The following IQCM variants were observed in gnomAD, a reference collection of about 807,000 sequenced individuals.
IQCM encodes the protein IQ domain-containing protein M.
IQCM carries 45 observed loss-of-function variants against 57.6 expected under a neutral mutation model. The ratio of observed to expected loss-of-function variants is 0.78; its 90% CI spans 0.62 to 1.00. The LOEUF (loss-of-function observed/expected upper bound fraction) is 1.00, where lower values mean the gene tolerates loss of function less well. Among genes scored for constraint, IQCM ranks in the 50% least tolerant of loss-of-function variants. IQCM has a pLI of 0.00. For missense variants in IQCM, 468 were observed against 511.6 expected (o/e 0.91, Z 0.82); for synonymous variants, 148 against 158.9 (o/e 0.93, Z 0.51).
At chr4:149,608,145 T>C (rs1754963836) in intron 8 of IQCM, among the ~76,000 whole-genome samples, 1 of 151,510 alleles carries the variant, frequency 6.6e-6, no homozygotes, top group Non-Finnish European at 1.5e-5. Context: ...ATAAAAGAGA[T>C]TTCAAGACAA....
intron 3 of IQCM, among the ~76,000 whole-genome samples, chr4:149,741,698 G>A (rs1767473286): frequency 6.6e-6 from 1 of 152,130 alleles, no homozygotes; most frequent in Non-Finnish European, 1.5e-5. Flanking sequence ...GGCACTATAT[G>A]TTAGGATTGC....
intron 7 of IQCM, among the ~76,000 whole-genome samples, chr4:149,628,741 C>T (rs1408385354): frequency 1.3e-5 from 2 of 151,928 alleles, no homozygotes; most frequent in Non-Finnish European, 2.9e-5. Context: ...CAAGTATATT[C>T]GGCAAAATTA....
At chr4:149,513,671 A>C (rs192812742) in intron 12 of IQCM, among the ~76,000 whole-genome samples, 2 of 152,290 alleles carry the variant, frequency 1.3e-5, no homozygotes, top group East Asian at 3.9e-4. Context: ...TTAATCAAAT[A>C]TTTAATGAAT....
intron 5 of IQCM, among the ~76,000 whole-genome samples, chr4:149,700,988 C>T (rs1763724686): frequency 2.0e-5 from 3 of 151,958 alleles, no homozygotes; most frequent in African/African-American, 7.2e-5. Context: ...ATCTTTCTTT[C>T]CCATCGTATT....
intron 12 of IQCM, among the ~76,000 whole-genome samples, chr4:149,537,342 G>T (rs1292706687): frequency 4.0e-5 from 6 of 151,752 alleles, no homozygotes; most frequent in Admixed American, 1.3e-4. Flanking sequence ...ATTACAAAAT[G>T]ATCTCAGCCA....
chr4:149,507,676 C>A (rs1000614924), intron 12 of IQCM, among the ~76,000 whole-genome samples: 3 of 151,842 alleles, frequency 2.0e-5, no homozygotes, highest in African/African-American at 7.3e-5. Context: ...AAAGGGGAAG[C>A]AGAGCATAAA....
intron 13 of IQCM, among the ~76,000 whole-genome samples, chr4:149,412,058 GTGTGTGTT>G (rs1200692473): frequency 8.1e-6 from 1 of 122,980 alleles, no homozygotes; most frequent in African/African-American, 3.0e-5. Flanking sequence ...AACATTTAGT[GTGTGTGTT>G]TGTGTGTGTG....
At chr4:149,784,898 T>C (rs1355172296) in intron 2 of IQCM, among the ~76,000 whole-genome samples, 5 of 152,172 alleles carry the variant, frequency 3.3e-5, no homozygotes, top group Non-Finnish European at 7.4e-5. Flanking sequence ...TAAACTTATA[T>C]ATGGAAATCA....
intron 2 of IQCM, among the ~76,000 whole-genome samples, chr4:149,810,964 C>A (rs185490242): frequency 6.6e-6 from 1 of 152,060 alleles, no homozygotes; most frequent in Non-Finnish European, 1.5e-5. Flanking sequence ...GTGCCTGAAC[C>A]CTGCTATAGC....
intron 12 of IQCM, among the ~76,000 whole-genome samples, chr4:149,493,770 TAAG>T (rs1025219395): frequency 1.3e-5 from 2 of 151,722 alleles, no homozygotes; most frequent in African/African-American, 2.4e-5. Flanking sequence ...AAAAATAAAT[TAAG>T]TTAATTCAAG....
intron 13 of IQCM, among the ~76,000 whole-genome samples, chr4:149,422,190 T>A (rs1476423911): frequency 6.6e-6 from 1 of 152,036 alleles, no homozygotes; most frequent in Admixed American, 6.6e-5. Context: ...ATGAAAGATT[T>A]CAGAATGAAG....
At chr4:149,728,108 C>A (rs556256876) in intron 5 of IQCM, among the ~76,000 whole-genome samples, 2 of 152,310 alleles carry the variant, frequency 1.3e-5, no homozygotes, top group South Asian at 2.1e-4. Flanking sequence ...ACAGTCTCAG[C>A]TCACTCCTCT....
intron 8 of IQCM, among the ~76,000 whole-genome samples, chr4:149,606,285 A>G (rs187156608): frequency 7.2e-5 from 11 of 152,254 alleles, no homozygotes; most frequent in African/African-American, 2.6e-4. Context: ...AAATACAGTG[A>G]GAGACTTTGC....
chr4:149,359,238 G>A (rs1729302644), intron 13 of IQCM, among the ~76,000 whole-genome samples: 1 of 151,978 alleles, frequency 6.6e-6, no homozygotes, highest in African/African-American at 2.4e-5. Context: ...TGTCATAAAA[G>A]CATATTTTAT....
chr4:149,656,076 T>G (rs1057163634), intron 7 of IQCM, among the ~76,000 whole-genome samples: 13 of 152,252 alleles, frequency 8.5e-5, no homozygotes, highest in Admixed American at 5.9e-4. Context: ...TTTCTGATTT[T>G]AATTCCCTCA....
At chr4:149,597,616 C>T (rs1261787573) in intron 8 of IQCM, among the ~76,000 whole-genome samples, 3 of 152,226 alleles carry the variant, frequency 2.0e-5, no homozygotes, top group South Asian at 2.1e-4. Flanking sequence ...GTCTCTAACT[C>T]GTGACCTCAA....
intron 7 of IQCM, among the ~76,000 whole-genome samples, chr4:149,672,251 G>T (rs1761360713): frequency 6.6e-6 from 1 of 152,180 alleles, no homozygotes; most frequent in African/African-American, 2.4e-5. Context: ...GCCAGCAACG[G>T]AACAAAGCTG....
intron 13 of IQCM, among the ~76,000 whole-genome samples, chr4:149,408,236 T>C (rs575366680): frequency 6.6e-6 from 1 of 152,314 alleles, no homozygotes; most frequent in Non-Finnish European, 1.5e-5. Context: ...AACCAACTTA[T>C]TGTGACATAT....
chr4:149,751,272 G>A (rs1181251111), intron 2 of IQCM, among the ~76,000 whole-genome samples: 1 of 152,072 alleles, frequency 6.6e-6, no homozygotes, highest in African/African-American at 2.4e-5. Flanking sequence ...TTTACCCTCC[G>A]TGAATCTCCC....
Sources: gnomAD v4.1 joint callset for allele counts (sites outside exome capture counted in the v4.1 genomes callset) on GRCh38, gnomAD v4.1.1 for gene constraint, MANE v1.5 for transcripts, NCBI Gene and HGNC (gene_info 2026-07-23, HGNC 2026-07-21) for gene names.